CASD1: variants seen among roughly 807,000 people sequenced by gnomAD.
CASD1 encodes the protein N-acetylneuraminate (7)9-O-acetyltransferase.
CASD1 carries 41 observed loss-of-function variants against 100.0 expected under a neutral mutation model. The observed-to-expected ratio is 0.41, with a 90% CI of 0.32 to 0.53. The LOEUF (loss-of-function observed/expected upper bound fraction) is 0.53, where lower values mean the gene tolerates loss of function less well. Ranked by LOEUF, CASD1 falls within the 20% of genes least tolerant of loss-of-function variation. The pLI, the probability that CASD1 is intolerant of heterozygous loss-of-function variation, is 0.25. For missense variants in CASD1, 774 were observed against 948.7 expected, an observed-to-expected ratio of 0.82 and a Z score of 2.42; for synonymous variants, 321 against 315.6, an observed-to-expected ratio of 1.02 and a Z score of -0.18.
the CASD1 span, chr7:94,628,541 G>T: frequency 1.7e-6 from 1 of 571,862 alleles, no homozygotes; most frequent in Non-Finnish European, 3.1e-6. Flanking sequence ...AATCCTTTTG[G>T]TTGTTTAATT....
chr7:94,630,285 T>C, the CASD1 span, among the ~76,000 whole-genome samples: 2 of 151,868 alleles, frequency 1.3e-5, no homozygotes, highest in Non-Finnish European at 2.9e-5. Context: ...TAAGAATCCA[T>C]ACTATACTAA....
chr7:94,516,186 T>G (rs2116188690), intron 1 of CASD1, among the ~76,000 whole-genome samples: 1 of 152,188 alleles, frequency 6.6e-6, no homozygotes, highest in South Asian at 2.1e-4. Context: ...GTGTATATAG[T>G]TAACACAAAT....
At chr7:94,594,872 GA>G in the CASD1 span, among the ~76,000 whole-genome samples, 1 of 152,072 alleles carries the variant, frequency 6.6e-6, no homozygotes, top group Non-Finnish European at 1.5e-5. Context: ...TCTGTAATTT[GA>G]AAAGCAAAAG....
chr7:94,520,054 A>G (rs957879863), intron 3 of CASD1, among the ~76,000 whole-genome samples: 2 of 152,230 alleles, frequency 1.3e-5, no homozygotes, highest in Non-Finnish European at 2.9e-5. Context: ...TCCCAAGATT[A>G]TCAAACGAGA....
chr7:94,544,318 A>G (rs1795565367), intron 10 of CASD1, 93 bp from the exon 11 acceptor site: 3 of 1,446,124 alleles, frequency 2.1e-6, no homozygotes, highest in East Asian at 2.4e-5. Flanking sequence ...AATGCTAATA[A>G]TCATTTATTA....
At chr7:94,594,452 C>T in the CASD1 span, 1 of 152,100 alleles carries the variant, frequency 6.6e-6, no homozygotes, top group East Asian at 1.9e-4. Flanking sequence ...CTCCTCATGA[C>T]TGTCGAGGTC....
chr7:94,532,928 G>C (rs1794921787), intron 5 of CASD1, among the ~76,000 whole-genome samples: 1 of 151,994 alleles, frequency 6.6e-6, no homozygotes, highest in Non-Finnish European at 1.5e-5. Context: ...GGTCGTGTTA[G>C]ATTTCAGTGG....
the CASD1 span, among the ~76,000 whole-genome samples, chr7:94,568,222 C>T: frequency 6.6e-6 from 1 of 152,050 alleles, no homozygotes; most frequent in Admixed American, 6.6e-5. Flanking sequence ...CATAAATCGT[C>T]CCATACATGT....
the CASD1 span, among the ~76,000 whole-genome samples, chr7:94,567,966 A>G: frequency 6.6e-6 from 1 of 152,184 alleles, no homozygotes; most frequent in Admixed American, 6.5e-5. Flanking sequence ...TATAAAGTTC[A>G]TATGATTCCA....
At chr7:94,603,761 C>T in the CASD1 span, among the ~76,000 whole-genome samples, 1 of 152,002 alleles carries the variant, frequency 6.6e-6, no homozygotes, top group African/African-American at 2.4e-5. Flanking sequence ...ATTCTGATTA[C>T]TATATTTAGT....
At chr7:94,610,952 C>T in the CASD1 span, among the ~76,000 whole-genome samples, 1 of 152,084 alleles carries the variant, frequency 6.6e-6, no homozygotes, top group Admixed American at 6.5e-5. Context: ...AATGAGATAC[C>T]ACTTCACTTT....
the CASD1 span, chr7:94,620,908 G>T: frequency 6.6e-6 from 1 of 152,200 alleles, no homozygotes; most frequent in African/African-American, 2.4e-5. Context: ...TAACTCTGGG[G>T]AAATCCCATG....
chr7:94,585,663 G>T, the CASD1 span: 1 of 635,298 alleles, frequency 1.6e-6, no homozygotes, highest in Non-Finnish European at 2.9e-6. Flanking sequence ...CTCTGTATTT[G>T]GTTTTTTTAA....
intron 1 of CASD1, among the ~76,000 whole-genome samples, chr7:94,517,329 G>T (rs1432431844): frequency 6.6e-6 from 1 of 152,196 alleles, no homozygotes; most frequent in South Asian, 2.1e-4. Context: ...AGCAGGGAAT[G>T]TATCATTAGG....
the CASD1 span, among the ~76,000 whole-genome samples, chr7:94,614,663 C>T: frequency 2.6e-5 from 4 of 152,140 alleles, no homozygotes; most frequent in African/African-American, 4.8e-5. Context: ...CCTCTATAAA[C>T]CTTTTTCAGG....
chr7:94,530,100 A>T (rs1367511924), intron 5 of CASD1, among the ~76,000 whole-genome samples: 4 of 152,190 alleles, frequency 2.6e-5, no homozygotes, highest in Non-Finnish European at 5.9e-5. Flanking sequence ...AAGCAATGTG[A>T]CAAGTGCTAA....
At chr7:94,629,928 G>T in the CASD1 span, 11 of 1,485,550 alleles carry the variant, frequency 7.4e-6, no homozygotes, top group Non-Finnish European at 9.3e-6. Context: ...TTATAAAGAG[G>T]GGTCTCACTA....
At chr7:94,588,055 G>A in the CASD1 span, 1 of 1,351,148 alleles carries the variant, frequency 7.4e-7, no homozygotes, top group Non-Finnish European at 9.5e-7. Context: ...CCACTAATTA[G>A]AAGACAATCA....
chr7:94,562,896 CCTT>C, the CASD1 span, among the ~76,000 whole-genome samples: 1 of 152,220 alleles, frequency 6.6e-6, no homozygotes, highest in Non-Finnish European at 1.5e-5. Flanking sequence ...CAGCTGACCC[CCTT>C]TTTTTTTATG....
Sources: gnomAD v4.1 joint callset for allele counts (sites outside exome capture counted in the v4.1 genomes callset) on GRCh38, gnomAD v4.1.1 for gene constraint, MANE v1.5 for transcripts, NCBI Gene and HGNC (gene_info 2026-07-23, HGNC 2026-07-21) for gene names.